Variants in BTBD7 observed in about 807,000 individuals in gnomAD.
BTBD7 encodes the protein BTB domain containing 7.
BTBD7 carries 38 observed loss-of-function variants against 99.9 expected under a neutral mutation model. That is an observed-to-expected ratio of 0.38 (90% CI 0.29 to 0.50). BTBD7 has a LOEUF of 0.50. BTBD7 is among the 20% of genes least tolerant of loss of function. The pLI, the probability that BTBD7 is intolerant of heterozygous loss-of-function variation, is 0.93. For synonymous variants in BTBD7, 520 were observed against 511.4 expected (o/e 1.02, Z -0.23); for missense variants, 1,170 against 1,394.6 (o/e 0.84, Z 2.57).
intron 1 of BTBD7, among the ~76,000 whole-genome samples, chr14:93,322,074 TA>T: frequency 1.3e-5 from 2 of 152,252 alleles, no homozygotes; most frequent in African/African-American, 4.8e-5. Context: ...AATTTGGACT[TA>T]AAAGAGTTGT....
rs1342872643 is a variant in BTBD7 at position 93,237,711 on chromosome 14, C to T, written c.*4562G>A. ...ATCGTTTTACAATGCTTCACACAGA[C>T]GAATTCAAGTTTGGAGGTACCTAAA... On this transcript the variant is annotated 3_prime_UTR_variant, in exon 11 of 11. Coordinates refer to ENST00000334746, the MANE Select transcript of BTBD7 (RefSeq NM_001002860.4). 3 of 152,574 alleles carry T rather than the reference C, an allele frequency of 2.0e-5. No individual in the cohort carries two copies. The highest frequency in any genetic ancestry group is 4.4e-5 in the Non-Finnish European group (3 of 68,036). 9.5% of individuals were successfully genotyped at this position (152,574 alleles called of 1,614,324 possible).
chr14:93,323,234 C>T (rs952667460), intron 1 of BTBD7, among the ~76,000 whole-genome samples: 7 of 151,712 alleles, frequency 4.6e-5, no homozygotes, highest in African/African-American at 1.7e-4. Flanking sequence ...ATAGCAAGAA[C>T]GCGAATAGAA....
chr14:93,303,838 C>A (rs1285213539), intron 1 of BTBD7, among the ~76,000 whole-genome samples: 1 of 152,146 alleles, frequency 6.6e-6, no homozygotes, highest in Non-Finnish European at 1.5e-5. Context: ...GGCCTCCCCA[C>A]CCCCCACCAG....
At position 93,294,429 on chromosome 14, in the gene BTBD7, A is replaced by G; in HGVS notation, c.591T>C (p.Ala197=). The G allele has an allele frequency of 6.2e-7, 1 of 1,614,178 alleles. No homozygotes were observed. The highest frequency in any genetic ancestry group is 8.5e-7 in the Non-Finnish European group (1 of 1,180,032). Residue 197 remains alanine (A), a synonymous_variant, in exon 3 of 11, where the codon GCT becomes GCC. Transcript: ENST00000334746. ...CTCCTGTATAAAGGTAGTGTAACAA[A>G]GCAGAAAACATGGGCATATCAATAC... ...TAGIDMPMFS[A]LLHYLYTGEF... is the part of the protein sequence containing the mutation.
At position 93,237,807 on chromosome 14, in the gene BTBD7, G is replaced by A. The variant is rs1347398915; in HGVS notation, c.*4466C>T. 2.0e-5 allele frequency: 3 copies of A among 152,640 alleles called. No individual in the cohort carries two copies. The highest frequency in any genetic ancestry group is 7.2e-5 in the African/African-American group (3 of 41,452). 9.5% of individuals were successfully genotyped at this position (152,640 alleles called of 1,614,324 possible). A position where few individuals can be genotyped will look rare whatever the true frequency, so the allele number is the denominator to read the frequency against. On this transcript the variant is annotated 3_prime_UTR_variant, in exon 11 of 11. Coordinates refer to ENST00000334746, the MANE Select transcript of BTBD7 (RefSeq NM_001002860.4). ...GCGTAAACAAGTTTTACAAAGTACTGGTTATGCAGGTTGTAGAAAACACTT... is the reference window on the plus strand; with the variant it reads ...GCGTAAACAAGTTTTACAAAGTACTAGTTATGCAGGTTGTAGAAAACACTT...
chr14:93,325,355 C>T (rs1349290947), intron 1 of BTBD7, among the ~76,000 whole-genome samples: 2 of 151,810 alleles, frequency 1.3e-5, no homozygotes, highest in African/African-American at 2.4e-5. Flanking sequence ...GGTGATCTGC[C>T]GACCTCAGGT....
intron 3 of BTBD7, among the ~76,000 whole-genome samples, chr14:93,293,242 G>A (rs993150436): frequency 9.9e-5 from 15 of 152,084 alleles, no homozygotes; most frequent in East Asian, 1.9e-4. Flanking sequence ...AAAACGTGCC[G>A]TCCTAATTTT....
chr14:93,307,641 C>A (rs1309477006), intron 1 of BTBD7, among the ~76,000 whole-genome samples: 1 of 152,168 alleles, frequency 6.6e-6, no homozygotes, highest in Non-Finnish European at 1.5e-5. Flanking sequence ...GTTTCATACT[C>A]TCATTTTTAC....
At chr14:93,246,369 G>C in intron 9 of BTBD7, 83 bp from the exon 10 acceptor site, 1 of 1,354,194 alleles carries the variant, frequency 7.4e-7, no homozygotes, top group African/African-American at 1.5e-5. Context: ...AGAATTAAGT[G>C]AGGTACTTAA....
intron 1 of BTBD7, among the ~76,000 whole-genome samples, chr14:93,312,786 T>C (rs980903011): frequency 3.9e-5 from 6 of 152,142 alleles, no homozygotes; most frequent in Non-Finnish European, 1.5e-5. Context: ...CCACTGCCAC[T>C]GGACTGTATA....
chr14:93,317,147 A>G (rs931281741), intron 1 of BTBD7, among the ~76,000 whole-genome samples: 3 of 152,178 alleles, frequency 2.0e-5, no homozygotes, highest in Non-Finnish European at 4.4e-5. Flanking sequence ...CTAAGATTAC[A>G]GCCATGTGCC....
intron 3 of BTBD7, among the ~76,000 whole-genome samples, chr14:93,279,493 C>A (rs2052693594): frequency 6.6e-6 from 1 of 152,196 alleles, no homozygotes; most frequent in Non-Finnish European, 1.5e-5. Context: ...ACCCAGTGTT[C>A]TATTAGGGCA....
chr14:93,313,780 C>T (rs919012272), intron 1 of BTBD7, among the ~76,000 whole-genome samples: 3 of 151,912 alleles, frequency 2.0e-5, no homozygotes, highest in African/African-American at 7.3e-5. Flanking sequence ...GTTGTCTAGG[C>T]TAGAGTATAG....
At chr14:93,282,362 G>A (rs1188559863) in intron 3 of BTBD7, among the ~76,000 whole-genome samples, 8 of 140,778 alleles carry the variant, frequency 5.7e-5, no homozygotes, top group African/African-American at 1.8e-4. Flanking sequence ...AGACAGTTTC[G>A]CTCTGTTGCC....
At chr14:93,309,290 C>A (rs1295500899) in intron 1 of BTBD7, among the ~76,000 whole-genome samples, 1 of 151,578 alleles carries the variant, frequency 6.6e-6, no homozygotes. Flanking sequence ...GTGACTTATC[C>A]AAAGTCAAAT....
intron 1 of BTBD7, among the ~76,000 whole-genome samples, chr14:93,318,271 A>C (rs1018530114): frequency 3.9e-5 from 6 of 152,206 alleles, no homozygotes; most frequent in African/African-American, 1.4e-4. Flanking sequence ...TCTGCAAGGA[A>C]ATTACCATAA....
intron 1 of BTBD7, among the ~76,000 whole-genome samples, chr14:93,298,297 T>C (rs760247785): frequency 1.3e-5 from 2 of 152,174 alleles, no homozygotes; most frequent in African/African-American, 2.4e-5. Flanking sequence ...ATGCCACACG[T>C]TGAGCATCCC....
At chr14:93,325,037 T>C (rs2053312293) in intron 1 of BTBD7, among the ~76,000 whole-genome samples, 1 of 151,904 alleles carries the variant, frequency 6.6e-6, no homozygotes, top group South Asian at 2.1e-4. Context: ...TATAAACTCT[T>C]GTGAGTCTGG....
chr14:93,312,905 C>T (rs1374387136), intron 1 of BTBD7, among the ~76,000 whole-genome samples: 1 of 151,630 alleles, frequency 6.6e-6, no homozygotes, highest in Non-Finnish European at 1.5e-5. Context: ...CTTCTTCGGC[C>T]TCTTGAACCT....
Sources: gnomAD v4.1 joint callset for allele counts (sites outside exome capture counted in the v4.1 genomes callset) on GRCh38, gnomAD v4.1.1 for gene constraint, MANE v1.5 for transcripts, NCBI Gene and HGNC (gene_info 2026-07-23, HGNC 2026-07-21) for gene names.